R3HDM2: variants seen among roughly 807,000 people sequenced by gnomAD.
R3HDM2 encodes the protein R3H domain containing 2.
R3HDM2 carries 38 observed loss-of-function variants against 124.5 expected under a neutral mutation model. The observed-to-expected ratio is 0.31, with a 90% CI of 0.24 to 0.40. The LOEUF is 0.40. R3HDM2 is among the 10% of genes least tolerant of loss of function. R3HDM2 has a pLI of 1.00. For synonymous variants in R3HDM2, 391 were observed against 448.0 expected (o/e 0.87, Z 1.61); for missense variants, 869 against 1,236.9 (o/e 0.70, Z 4.46).
chr12:57,342,722 A>G (rs2059690930), intron 2 of R3HDM2, among the ~76,000 whole-genome samples: 1 of 152,216 alleles, frequency 6.6e-6, no homozygotes, highest in Admixed American at 6.5e-5. Flanking sequence ...TCACCTTTAA[A>G]TTTACCTTAC....
At chr12:57,295,687 AT>A in intron 9 of R3HDM2, 180 bp from the exon 10 acceptor site, 2 of 567,954 alleles carry the variant, frequency 3.5e-6, no homozygotes, top group African/African-American at 1.9e-5. Context: ...TACTTTATAC[AT>A]CTATAACTTC....
At chr12:57,409,520 A>AG (rs1035898116) in intron 1 of R3HDM2, among the ~76,000 whole-genome samples, 8 of 151,452 alleles carry the variant, frequency 5.3e-5, no homozygotes, top group African/African-American at 1.5e-4. Context: ...GGCAAAAAAA[A>AG]AAAAAGAAAA....
At chr12:57,310,927 A>G (rs1470579199) in intron 2 of R3HDM2, among the ~76,000 whole-genome samples, 3 of 152,192 alleles carry the variant, frequency 2.0e-5, no homozygotes, top group Non-Finnish European at 4.4e-5. Context: ...TTTGAGATTC[A>G]CCAGGATTCA....
At chr12:57,337,736 G>A (rs2059039952) in intron 2 of R3HDM2, among the ~76,000 whole-genome samples, 1 of 152,158 alleles carries the variant, frequency 6.6e-6, no homozygotes, top group South Asian at 2.1e-4. Flanking sequence ...AGAAGGACAA[G>A]AAGGTGCATG....
At chr12:57,386,553 G>A (rs141462927) in intron 2 of R3HDM2, among the ~76,000 whole-genome samples, 7 of 152,090 alleles carry the variant, frequency 4.6e-5, no homozygotes, top group Non-Finnish European at 1.0e-4. Flanking sequence ...GCCTCCCCCC[G>A]CTTCTGTGGG....
intron 1 of R3HDM2, among the ~76,000 whole-genome samples, chr12:57,419,650 C>A (rs2069995570): frequency 6.6e-6 from 1 of 152,036 alleles, no homozygotes; most frequent in African/African-American, 2.4e-5. Flanking sequence ...CAATGTTGCC[C>A]AGATTGCTTT....
At chr12:57,359,612 G>C (rs191572873) in intron 2 of R3HDM2, among the ~76,000 whole-genome samples, 1 of 152,082 alleles carries the variant, frequency 6.6e-6, no homozygotes, top group Non-Finnish European at 1.5e-5. Context: ...GACAGCATGC[G>C]GCTGGGTCGT....
intron 11 of R3HDM2, 74 bp from the exon 12 acceptor site, chr12:57,289,114 T>C: frequency 7.1e-7 from 1 of 1,402,846 alleles, no homozygotes; most frequent in Non-Finnish European, 9.9e-7. Context: ...ATGTCCATGA[T>C]GCTATGAATA....
chr12:57,392,960 A>G, intron 2 of R3HDM2, among the ~76,000 whole-genome samples: 1 of 151,382 alleles, frequency 6.6e-6, no homozygotes, highest in African/African-American at 2.4e-5. Context: ...ACCTGCCACC[A>G]CGCCCAGCTA....
intron 2 of R3HDM2, among the ~76,000 whole-genome samples, chr12:57,320,147 G>A (rs1314376253): frequency 1.3e-5 from 2 of 150,992 alleles, no homozygotes; most frequent in South Asian, 4.2e-4. Context: ...GCTAATCCCA[G>A]CTACTCAGGA....
intron 2 of R3HDM2, among the ~76,000 whole-genome samples, chr12:57,390,217 C>T (rs1035489607): frequency 6.7e-6 from 1 of 149,736 alleles, no homozygotes; most frequent in East Asian, 2.0e-4. Context: ...ATATATGAAA[C>T]AATAGTTTTT....
intron 14 of R3HDM2, among the ~76,000 whole-genome samples, chr12:57,278,925 G>C (rs1282074290): frequency 6.6e-6 from 1 of 152,030 alleles, no homozygotes; most frequent in Non-Finnish European, 1.5e-5. Flanking sequence ...TTAGTGTTTG[G>C]GACTTGCTTC....
intron 10 of R3HDM2, among the ~76,000 whole-genome samples, chr12:57,295,190 C>T (rs1321187806): frequency 6.6e-6 from 1 of 152,216 alleles, no homozygotes; most frequent in African/African-American, 2.4e-5. Context: ...CAAACCTCAG[C>T]ACCATGTCTC....
intron 14 of R3HDM2, chr12:57,272,497 G>T: frequency 6.5e-7 from 1 of 1,550,342 alleles, no homozygotes; most frequent in Non-Finnish European, 8.7e-7. Context: ...AGGACTTGGG[G>T]ACAGGAGCTT....
intron 2 of R3HDM2, among the ~76,000 whole-genome samples, chr12:57,351,148 T>C: frequency 6.6e-6 from 1 of 152,030 alleles, no homozygotes; most frequent in East Asian, 1.9e-4. Context: ...TCACCTGTGG[T>C]CCCAGCTACT....
intron 2 of R3HDM2, among the ~76,000 whole-genome samples, chr12:57,388,866 G>A (rs2066267052): frequency 6.6e-6 from 1 of 151,986 alleles, no homozygotes; most frequent in African/African-American, 2.4e-5. Flanking sequence ...AAAAAAGATG[G>A]TCAGGGCTTT....
Position 57,300,137 on chromosome 12 carries a change from C to T in R3HDM2, c.252G>A (p.Glu84=), listed in dbSNP as rs1166098159. The change falls in exon 5 of 24, where the codon GAG becomes GAA. Residue 84 remains glutamate, a synonymous_variant. Transcript: ENST00000402412. ...LKLVRSLAVC[E]ESSTPFADGP... is the part of the protein sequence containing the mutation. ...CATCAGCAAATGGGGTGGAGGACTC[C>T]TCACACACTGCCAGGCTACGCACCA... is the stretch of plus-strand genomic sequence containing the variant. 1.0e-5 allele frequency: 16 copies of T among 1,551,548 alleles called. 1 individual carries two copies. The highest frequency in any genetic ancestry group is 1.4e-5 in the Non-Finnish European group (16 of 1,146,946).
chr12:57,254,430 G>T lies in R3HDM2; in HGVS notation c.*343C>A. On this transcript the variant is annotated 3_prime_UTR_variant, in exon 24 of 24. Coordinates refer to ENST00000402412, the MANE Select transcript of R3HDM2 (RefSeq NM_001394031.1). ...GCAGGAGAATCACCTGAACCCAGGA[G>T]CTGGAGGTTGCAGTTAGCCAAGATC... 1 of 340,548 alleles carries T rather than the reference G, an allele frequency of 2.9e-6. No individual in the cohort carries two copies. The highest frequency in any genetic ancestry group is 5.5e-6 in the Non-Finnish European group (1 of 181,962). 21.1% of individuals were successfully genotyped at this position (340,548 alleles called of 1,614,324 possible). A position where few individuals can be genotyped will look rare whatever the true frequency, so the allele number is the denominator to read the frequency against.
chr12:57,423,045 G>C (rs2070357565), intron 1 of R3HDM2, among the ~76,000 whole-genome samples: 1 of 152,094 alleles, frequency 6.6e-6, no homozygotes, highest in African/African-American at 2.4e-5. Context: ...AAGTAAAAAA[G>C]TATAGCGTCA....
Sources: allele counts gnomAD v4.1 joint callset (sites outside exome capture counted in the v4.1 genomes callset), GRCh38; gene constraint gnomAD v4.1.1; transcripts MANE v1.5; gene names NCBI Gene and HGNC (gene_info 2026-07-23, HGNC 2026-07-21).